The following TNS3 variants were observed in gnomAD, a reference collection of about 807,000 sequenced individuals.
TNS3 encodes tensin 3.
In TNS3, 45 loss-of-function variants were observed where a neutral mutation model predicts 140.9. The observed-to-expected ratio is 0.32, with a 90% CI of 0.25 to 0.41. The LOEUF (loss-of-function observed/expected upper bound fraction) is 0.41, where lower values mean the gene tolerates loss of function less well. Among genes scored for constraint, TNS3 ranks in the 10% least tolerant of loss-of-function variants. The probability of loss-of-function intolerance (pLI) is 1.00; values close to 1 mark genes in which losing one functional copy is unlikely to be tolerated. For missense variants in TNS3, 1,716 were observed against 1,906.7 expected, an observed-to-expected ratio of 0.90 and a Z score of 1.86; for synonymous variants, 815 against 788.4, an observed-to-expected ratio of 1.03 and a Z score of -0.56.
intron 1 of TNS3, among the ~76,000 whole-genome samples, chr7:47,571,510 C>CCGAGCTCA (rs1562862994): frequency 6.6e-6 from 1 of 152,084 alleles, no homozygotes; most frequent in Non-Finnish European, 1.5e-5. Flanking sequence ...GCTGGTGTCC[C>CCGAGCTCA]CAGAGCTGAC....
Position 47,555,992 on chromosome 7 carries a change from G to A in TNS3, c.-265+26059C>T, listed in dbSNP as rs565434126. Among the ~76,000 whole-genome samples the A allele has an allele frequency of 2.0e-5, 3 of 152,306 alleles. No individual in the cohort carries two copies. In the South Asian group the frequency reaches 6.2e-4, roughly 32 times the overall value. On this transcript the variant is annotated intron_variant, in intron 1 of 30. Transcript: ENST00000311160. ...CATGCACATAGACACATACATGTAG[G>A]TGTGCATGCATGCATGCACGGTATA...
At chr7:47,362,434 A>G (rs1584482810) in intron 17 of TNS3, among the ~76,000 whole-genome samples, 1 of 152,140 alleles carries the variant, frequency 6.6e-6, no homozygotes, top group African/African-American at 2.4e-5. Flanking sequence ...TCAGGTCTCA[A>G]AAGGATCATT....
intron 4 of TNS3, among the ~76,000 whole-genome samples, chr7:47,447,907 T>A (rs533291997): frequency 1.4e-4 from 22 of 152,290 alleles, no homozygotes; most frequent in Non-Finnish European, 3.1e-4. Flanking sequence ...ACAGCCCTGA[T>A]CAGAAGGAAG....
intron 13 of TNS3, among the ~76,000 whole-genome samples, chr7:47,409,241 G>A (rs943911954): frequency 2.7e-4 from 41 of 152,074 alleles, no homozygotes; most frequent in African/African-American, 9.2e-4. Flanking sequence ...GAGAGGAGAG[G>A]AGCCAGGCAC....
At chr7:47,561,326 T>G (rs1205775150) in intron 1 of TNS3, among the ~76,000 whole-genome samples, 2 of 152,268 alleles carry the variant, frequency 1.3e-5, no homozygotes, top group East Asian at 3.9e-4. Context: ...GACTGTTGTG[T>G]TCCACTTCTC....
chr7:47,283,896 T>C (rs1584308586), intron 27 of TNS3, 31 bp from the exon 28 acceptor site: 1 of 1,537,544 alleles, frequency 6.5e-7, no homozygotes, highest in Non-Finnish European at 8.7e-7. Flanking sequence ...CACATGTTAG[T>C]TGCAACTATT....
In TNS3 at chr7:47,544,136, C is replaced by G. The variant is rs535110748; in HGVS notation, c.-264-14989G>C. On this transcript the variant is annotated intron_variant, in intron 1 of 30. Coordinates refer to ENST00000311160, the MANE Select transcript of TNS3 (RefSeq NM_022748.12). ...GTTAAATTAAGGTGGCTCTCCCCAG[C>G]CCCCTCCAGCTAAGTCCCTGGTAGG... Among the ~76,000 whole-genome samples the G allele has an allele frequency of 9.2e-5, 14 of 152,248 alleles. No homozygotes were observed. The South Asian group carries it at 2.9e-3, about 32-fold the overall frequency.
rs988620603 is a variant in TNS3, at chr7:47,453,693, G to A, written c.-75-11638C>T. 2.6e-5 allele frequency among the ~76,000 whole-genome samples: 4 copies of A among 152,226 alleles called. 1 individual carries two copies. The Middle Eastern group carries it at 9.5e-3, about 361-fold the overall frequency. Reference sequence around the variant, plus strand: ...CCAGAGAGAAGGAAAGGTATGCAGCGAAACCTCAGTTATGGGAATGAGGCA... The same window carrying A: ...CCAGAGAGAAGGAAAGGTATGCAGCAAAACCTCAGTTATGGGAATGAGGCA... On this transcript the variant is annotated intron_variant, in intron 4 of 30. Transcript: ENST00000311160.
chr7:47,402,653 G>T (rs1159464826), intron 13 of TNS3, among the ~76,000 whole-genome samples: 1 of 152,146 alleles, frequency 6.6e-6, no homozygotes, highest in African/African-American at 2.4e-5. Flanking sequence ...CCAGAGGGAG[G>T]TCCTTCTGGC....
intron 16 of TNS3, among the ~76,000 whole-genome samples, chr7:47,389,015 G>GA (rs1410355863): frequency 0.015 from 28 of 1,910 alleles, 8 homozygotes; most frequent in Non-Finnish European, 0.044. Context: ...AGAAGAAGAA[G>GA]AAGAAGAAGA....
chr7:47,308,826 T>C (rs1034115189), intron 20 of TNS3, among the ~76,000 whole-genome samples: 1 of 152,210 alleles, frequency 6.6e-6, no homozygotes, highest in East Asian at 1.9e-4. Context: ...TTAGCCTCTC[T>C]TTCCAATCTT....
At chr7:47,531,204 C>G (rs904841596) in intron 1 of TNS3, among the ~76,000 whole-genome samples, 1 of 151,994 alleles carries the variant, frequency 6.6e-6, no homozygotes, top group African/African-American at 2.4e-5. Flanking sequence ...CAAACCCCCA[C>G]AACACACAAT....
At chr7:47,328,304 G>A (rs1788141085) in intron 20 of TNS3, among the ~76,000 whole-genome samples, 1 of 152,208 alleles carries the variant, frequency 6.6e-6, no homozygotes, top group Non-Finnish European at 1.5e-5. Context: ...AGTGCCTCCA[G>A]ACGGCCCTGG....
At chr7:47,543,246 G>A (rs1243515541) in intron 1 of TNS3, among the ~76,000 whole-genome samples, 4 of 152,224 alleles carry the variant, frequency 2.6e-5, no homozygotes, top group Admixed American at 2.6e-4. Context: ...GCCTCCCAGG[G>A]CACTCACCCT....
intron 1 of TNS3, among the ~76,000 whole-genome samples, chr7:47,536,533 T>C (rs1799604787): frequency 6.6e-6 from 1 of 152,232 alleles, no homozygotes; most frequent in South Asian, 2.1e-4. Context: ...CCTTTACCTT[T>C]GCAAGAAACA....
intron 26 of TNS3, among the ~76,000 whole-genome samples, chr7:47,292,313 A>G (rs3942006): frequency 0.03 from 4,619 of 152,350 alleles, 233 homozygotes; most frequent in African/African-American, 0.1. Context: ...TTACCTATAT[A>G]TTAAGTTAGA....
At chr7:47,396,020 T>G (rs1191045205) in intron 16 of TNS3, among the ~76,000 whole-genome samples, 1 of 152,244 alleles carries the variant, frequency 6.6e-6, no homozygotes, top group South Asian at 2.1e-4. Context: ...TGCAGTTCTT[T>G]CCACAACACT....
intron 4 of TNS3, among the ~76,000 whole-genome samples, chr7:47,455,338 T>TAC (rs1319297175): frequency 1.3e-5 from 2 of 152,086 alleles, no homozygotes; most frequent in Non-Finnish European, 2.9e-5. Flanking sequence ...ACCAGGACCA[T>TAC]ACCTGCCTCC....
intron 20 of TNS3, among the ~76,000 whole-genome samples, chr7:47,309,179 A>G (rs552196282): frequency 2.3e-4 from 35 of 152,302 alleles, no homozygotes; most frequent in African/African-American, 7.7e-4. Context: ...CCATTATTTC[A>G]TATAGTTTGT....
Sources: allele counts gnomAD v4.1 joint callset (sites outside exome capture counted in the v4.1 genomes callset), GRCh38; gene constraint gnomAD v4.1.1; transcripts MANE v1.5; gene names NCBI Gene and HGNC (gene_info 2026-07-23, HGNC 2026-07-21).